PCCA: variants seen among roughly 807,000 people sequenced by gnomAD.
PCCA encodes the protein propionyl-CoA carboxylase subunit alpha.
A neutral mutation model predicts 101.3 loss-of-function variants in PCCA; 74 were observed. The observed-to-expected ratio is 0.73, with a 90% CI of 0.61 to 0.89. The LOEUF (loss-of-function observed/expected upper bound fraction) is 0.89. Among genes scored for constraint, PCCA ranks in the 40% least tolerant of loss-of-function variants. PCCA has a pLI of 0.00. For synonymous variants in PCCA, 294 were observed against 313.6 expected, an observed-to-expected ratio of 0.94 and a Z score of 0.66; for missense variants, 891 against 907.0, an observed-to-expected ratio of 0.98 and a Z score of 0.23.
At chr13:100,458,361 TACACACACACAC>T (rs58649291) in intron 21 of PCCA, among the ~76,000 whole-genome samples, 7 of 101,376 alleles carry the variant, frequency 6.9e-5, no homozygotes, top group Non-Finnish European at 5.7e-5. Flanking sequence ...ACCCCATCTC[TACACACACACAC>T]ACACACACAC....
chr13:100,353,907 C>T lies in PCCA; in HGVS notation c.1643+13648C>T, dbSNP rs146686029. Among the ~76,000 whole-genome samples, 286 of 151,816 alleles carry T rather than the reference C, an allele frequency of 1.9e-3. 1 individual carries two copies. The highest frequency in any genetic ancestry group is 6.5e-3 in the African/African-American group (268 of 41,424). On this transcript the variant is annotated intron_variant, in intron 18 of 23. Coordinates refer to ENST00000376285, the MANE Select transcript of PCCA (RefSeq NM_000282.4). ...GGCGGAAGTTGCAGTGAGCCAAGATCGTACTACTGTACTCCTGCCTGGGTG... is the reference window on the plus strand; with the variant it reads ...GGCGGAAGTTGCAGTGAGCCAAGATTGTACTACTGTACTCCTGCCTGGGTG...
At chr13:100,348,748 CT>C (rs1201468983) in intron 18 of PCCA, among the ~76,000 whole-genome samples, 2 of 47,188 alleles carry the variant, frequency 4.2e-5, no homozygotes, top group Non-Finnish European at 4.4e-5. Flanking sequence ...TTCTTTCTTT[CT>C]TTCTTTCTTT....
chr13:100,129,765 C>T (rs1342398589), intron 4 of PCCA, among the ~76,000 whole-genome samples: 1 of 152,152 alleles, frequency 6.6e-6, no homozygotes, highest in African/African-American at 2.4e-5. Context: ...CTCTTCAGGC[C>T]AAGGGCAGTT....
chr13:100,213,017 T>C (rs148419431), intron 7 of PCCA, among the ~76,000 whole-genome samples: 2,722 of 152,230 alleles, frequency 0.018, 31 homozygotes, highest in Middle Eastern at 0.038. Flanking sequence ...ACTTAGTTCA[T>C]TTAACATAAT....
chr13:100,338,585 C>T (rs1162124551), intron 17 of PCCA, among the ~76,000 whole-genome samples: 2 of 151,710 alleles, frequency 1.3e-5, no homozygotes, highest in Non-Finnish European at 2.9e-5. Context: ...TTTTGTAATA[C>T]TTCTTATATA....
intron 12 of PCCA, among the ~76,000 whole-genome samples, chr13:100,299,732 C>G (rs979020845): frequency 4.6e-5 from 7 of 150,860 alleles, no homozygotes; most frequent in African/African-American, 1.7e-4. Flanking sequence ...TTTTTTTTTC[C>G]TGAGATGGAA....
intron 6 of PCCA, among the ~76,000 whole-genome samples, chr13:100,165,983 A>AATTG (rs1167946305): frequency 8.5e-5 from 13 of 152,252 alleles, no homozygotes; most frequent in Admixed American, 6.5e-4. Context: ...TATAATTGCT[A>AATTG]TTCAATAAAG....
At chr13:100,166,546 GCCTC>G (rs2055053787) in intron 6 of PCCA, among the ~76,000 whole-genome samples, 1 of 152,190 alleles carries the variant, frequency 6.6e-6, no homozygotes, top group Non-Finnish European at 1.5e-5. Flanking sequence ...TGAGCTGCCT[GCCTC>G]AGCCTCCCAA....
chr13:100,350,323 G>A (rs554573154), intron 18 of PCCA, among the ~76,000 whole-genome samples: 23 of 139,462 alleles, frequency 1.6e-4, no homozygotes, highest in East Asian at 4.0e-4. Context: ...TGAAGGTGAC[G>A]TGATACCTAA....
chr13:100,268,618 C>A (rs188106555), intron 10 of PCCA, 71 bp from the exon 11 acceptor site: 2 of 1,059,430 alleles, frequency 1.9e-6, no homozygotes. Flanking sequence ...ATGTTGCATG[C>A]GGAAAATATT....
intron 4 of PCCA, among the ~76,000 whole-genome samples, chr13:100,136,731 C>G (rs141278766): frequency 6.6e-6 from 1 of 152,072 alleles, no homozygotes; most frequent in Non-Finnish European, 1.5e-5. Context: ...CTTTTAATAT[C>G]TGCATAGTTT....
chr13:100,381,000 G>A (rs2076195153), intron 19 of PCCA, among the ~76,000 whole-genome samples: 1 of 152,194 alleles, frequency 6.6e-6, no homozygotes, highest in African/African-American at 2.4e-5. Context: ...TGCATCATAA[G>A]GCATGGAGGG....
intron 19 of PCCA, among the ~76,000 whole-genome samples, chr13:100,411,231 T>C (rs1383485965): frequency 6.6e-6 from 1 of 151,642 alleles, no homozygotes; most frequent in Non-Finnish European, 1.5e-5. Flanking sequence ...CTTGATTTTT[T>C]TTTTTTTTTT....
At chr13:100,289,442 G>A (rs1325892801) in intron 12 of PCCA, among the ~76,000 whole-genome samples, 2 of 152,040 alleles carry the variant, frequency 1.3e-5, no homozygotes, top group African/African-American at 2.4e-5. Context: ...AGCTGCTGGC[G>A]CCTAGCCTGA....
At chr13:100,099,315 C>CTT (rs940373587) in intron 1 of PCCA, among the ~76,000 whole-genome samples, 79 of 124,484 alleles carry the variant, frequency 6.3e-4, no homozygotes, top group African/African-American at 1.3e-3. Context: ...GCTATCTAAT[C>CTT]TTTTTTTTTT....
At chr13:100,126,909 G>A (rs1376341378) in intron 4 of PCCA, among the ~76,000 whole-genome samples, 1 of 152,124 alleles carries the variant, frequency 6.6e-6, no homozygotes, top group Non-Finnish European at 1.5e-5. Flanking sequence ...GTGTTAACCT[G>A]TGGATGGCTG....
chr13:100,200,847 A>G (rs1464825857), intron 6 of PCCA, among the ~76,000 whole-genome samples: 2 of 152,054 alleles, frequency 1.3e-5, no homozygotes, highest in African/African-American at 4.8e-5. Flanking sequence ...TCTACATTTT[A>G]TGTGAGACAA....
chr13:100,283,150 C>T (rs4301891), intron 12 of PCCA, among the ~76,000 whole-genome samples: 141,271 of 152,140 alleles, frequency 0.93, 66,496 homozygotes, highest in East Asian at 1. Context: ...CTTGGAGAGA[C>T]GTCATGCTAC....
intron 22 of PCCA, among the ~76,000 whole-genome samples, chr13:100,525,818 G>C (rs181521375): frequency 1.4e-4 from 21 of 152,328 alleles, no homozygotes; most frequent in Admixed American, 1.0e-3. Flanking sequence ...AGGAAGGGCT[G>C]GGTGGGTGTT....
Sources: allele counts gnomAD v4.1 joint callset (sites outside exome capture counted in the v4.1 genomes callset), GRCh38; gene constraint gnomAD v4.1.1; transcripts MANE v1.5; gene names NCBI Gene and HGNC (gene_info 2026-07-23, HGNC 2026-07-21).